Variants in LRRC69 observed in about 807,000 individuals in gnomAD.
LRRC69 encodes the protein leucine rich repeat containing 69, also known as leucine-rich repeat-containing protein 69.
A neutral mutation model predicts 37.8 loss-of-function variants in LRRC69; 42 were observed. That is an observed-to-expected ratio of 1.11 (90% CI 0.87 to 1.44). LRRC69 has a LOEUF of 1.44. Among genes scored for constraint, LRRC69 ranks in the 40% most tolerant of loss-of-function variants. The probability of loss-of-function intolerance (pLI) is 0.00; values close to 1 mark genes in which losing one functional copy is unlikely to be tolerated. For synonymous variants in LRRC69, 141 were observed against 143.1 expected (o/e 0.99, Z 0.11); for missense variants, 357 against 401.9 (o/e 0.89, Z 0.96).
intron 5 of LRRC69, among the ~76,000 whole-genome samples, chr8:91,176,328 G>A (rs1047478284): frequency 1.3e-5 from 2 of 151,416 alleles, no homozygotes; most frequent in African/African-American, 2.4e-5. Context: ...TTGTATTTTA[G>A]TAGAGATGGG....
chr8:91,158,396 C>T lies in LRRC69; in HGVS notation c.651+22657C>T, dbSNP rs901608200. On this transcript the variant is annotated intron_variant, in intron 5 of 7. Transcript: ENST00000448384. ...CAACATCAAAACAAACTCTGATCAC[C>T]CCAAGAAAGTAAACAAAGATGATGA... 2.9e-6 allele frequency: 4 copies of T among 1,396,346 alleles called. 1 individual carries two copies. Among genetic ancestry groups the T allele is most frequent in the Admixed American group, 3.4e-5 (2 of 58,946 alleles). The allele number at this position is 1,396,346 out of a possible 1,614,324, so 86.5% of individuals were successfully genotyped here.
At chr8:91,134,133 T>G (rs1292031982) in intron 4 of LRRC69, among the ~76,000 whole-genome samples, 1 of 150,900 alleles carries the variant, frequency 6.6e-6, no homozygotes, top group Non-Finnish European at 1.5e-5. Flanking sequence ...TCCTCTTGGA[T>G]ATGGCAGATG....
At chr8:91,194,764 A>G (rs924471610) in intron 6 of LRRC69, among the ~76,000 whole-genome samples, 3 of 151,806 alleles carry the variant, frequency 2.0e-5, no homozygotes, top group African/African-American at 4.8e-5. Context: ...CTAGTGGTCT[A>G]TCTATTTTGT....
chr8:91,114,365 C>T (rs576858159), intron 1 of LRRC69, among the ~76,000 whole-genome samples: 4 of 151,812 alleles, frequency 2.6e-5, no homozygotes, highest in Non-Finnish European at 4.4e-5. Context: ...TTCATTGCAG[C>T]GTTATTCACA....
At chr8:91,218,346 T>A (rs1810092971) in intron 7 of LRRC69, among the ~76,000 whole-genome samples, 1 of 30,078 alleles carries the variant, frequency 3.3e-5, no homozygotes. Context: ...TGACTGCTTA[T>A]TTTGTACAAA....
chr8:91,199,714 T>C (rs1809681336), intron 6 of LRRC69, among the ~76,000 whole-genome samples: 1 of 152,156 alleles, frequency 6.6e-6, no homozygotes, highest in Non-Finnish European at 1.5e-5. Context: ...GCAGTGTTTG[T>C]GTAACATTTA....
intron 1 of LRRC69, among the ~76,000 whole-genome samples, chr8:91,109,970 G>A (rs1314733867): frequency 6.6e-6 from 1 of 152,012 alleles, no homozygotes; most frequent in Non-Finnish European, 1.5e-5. Context: ...TTTAAAAAAA[G>A]GCATTGATAA....
intron 5 of LRRC69, among the ~76,000 whole-genome samples, chr8:91,147,260 A>ATAT (rs1808637680): frequency 1.2e-5 from 1 of 85,890 alleles, no homozygotes; most frequent in South Asian, 4.0e-4. Flanking sequence ...AATATATATT[A>ATAT]TATATAAACA....
chr8:91,102,777 T>C, exon 1 of LRRC69: 1 of 1,551,958 alleles, frequency 6.4e-7, no homozygotes, highest in Non-Finnish European at 8.7e-7. Flanking sequence ...CTGCCTGGCC[T>C]GAAGACTCTA....
In LRRC69 at chr8:91,128,701, G is replaced by C. The variant is rs145889803; in HGVS notation, c.383+1541G>C. ...GAGCCTTGGACATAAAAGGTATTAG[G>C]GTTGAGTAAGTGCTCAATGGATGTT... On this transcript the variant is annotated intron_variant, in intron 3 of 7. Transcript: ENST00000448384. Among the ~76,000 whole-genome samples, 154 of 152,116 alleles carry C rather than the reference G, an allele frequency of 1.0e-3. 2 individuals are homozygous for C. In the East Asian group the frequency reaches 0.025, roughly 24 times the overall value.
intron 1 of LRRC69, among the ~76,000 whole-genome samples, chr8:91,112,446 A>G (rs1355242153): frequency 6.6e-6 from 1 of 152,096 alleles, no homozygotes; most frequent in Non-Finnish European, 1.5e-5. Flanking sequence ...ATGCAAATCA[A>G]TCAATGTGAT....
chr8:91,158,464 A>T lies in LRRC69; in HGVS notation c.651+22725A>T, dbSNP rs559243660. On this transcript the variant is annotated intron_variant, in intron 5 of 7. Coordinates refer to ENST00000448384, the Ensembl canonical transcript of LRRC69. ...ATAAAATGCATGCTGTTAATGGAAG[A>T]ATGTTTGGAAACCCACAAGGCCTCA... 6 of 1,252,462 alleles carry T rather than the reference A, an allele frequency of 4.8e-6. No individual in the cohort carries two copies. The African/African-American group carries it at 5.9e-5, about 12-fold the overall frequency. 77.6% of individuals were successfully genotyped at this position (1,252,462 alleles called of 1,614,324 possible). A position where few individuals can be genotyped will look rare whatever the true frequency, so the allele number is the denominator to read the frequency against.
chr8:91,160,397 C>T (rs1328742314), intron 5 of LRRC69, among the ~76,000 whole-genome samples: 2 of 150,586 alleles, frequency 1.3e-5, no homozygotes, highest in African/African-American at 4.9e-5. Flanking sequence ...CTTTGTCTTG[C>T]CTAATTACTC....
At chr8:91,178,191 C>T (rs965042097) in intron 5 of LRRC69, among the ~76,000 whole-genome samples, 5 of 152,100 alleles carry the variant, frequency 3.3e-5, no homozygotes, top group South Asian at 2.1e-4. Context: ...TTATGTTTAT[C>T]GGATTTCTGC....
chr8:91,110,626 C>A (rs901675729), intron 1 of LRRC69, among the ~76,000 whole-genome samples: 24 of 152,002 alleles, frequency 1.6e-4, no homozygotes, highest in African/African-American at 5.8e-4. Flanking sequence ...GTAATAAGAG[C>A]AAAACTCTGT....
intron 1 of LRRC69, among the ~76,000 whole-genome samples, chr8:91,113,131 C>T (rs565963625): frequency 6.6e-6 from 1 of 152,024 alleles, no homozygotes; most frequent in African/African-American, 2.4e-5. Context: ...ATTAAAATGT[C>T]CATATTACTG....
At chr8:91,149,681 G>A (rs529312348) in intron 5 of LRRC69, among the ~76,000 whole-genome samples, 7,968 of 151,978 alleles carry the variant, frequency 0.052, 294 homozygotes, top group Middle Eastern at 0.16. Flanking sequence ...TGGGCAGTAT[G>A]GCCATTTTCA....
intron 6 of LRRC69, among the ~76,000 whole-genome samples, chr8:91,199,962 A>G (rs1468335054): frequency 6.6e-6 from 1 of 152,124 alleles, no homozygotes; most frequent in African/African-American, 2.4e-5. Context: ...ATCTAGGTAG[A>G]TAGGTTTAAC....
At chr8:91,169,523 AT>A (rs148090061) in intron 5 of LRRC69, among the ~76,000 whole-genome samples, 70,195 of 150,630 alleles carry the variant, frequency 0.47, 17,947 homozygotes, top group South Asian at 0.66. Context: ...TGTGTATATA[AT>A]TTTTTTTTTA....
Sources: allele counts gnomAD v4.1 joint callset (sites outside exome capture counted in the v4.1 genomes callset), GRCh38; gene constraint gnomAD v4.1.1; transcripts MANE v1.5; gene names NCBI Gene and HGNC (gene_info 2026-07-23, HGNC 2026-07-21).